Variants in KDM6A observed in about 807,000 individuals in gnomAD.
KDM6A encodes lysine-specific demethylase 6A.
Under a neutral mutation model 117.6 loss-of-function variants are expected in KDM6A, and 11 were observed. The observed-to-expected ratio is 0.09, with a 90% CI of 0.06 to 0.15. KDM6A has a LOEUF of 0.15. Among genes scored for constraint, KDM6A ranks in the 10% least tolerant of loss-of-function variants. The pLI is 1.00. For synonymous variants in KDM6A, 384 were observed against 396.1 expected, an observed-to-expected ratio of 0.97 and a Z score of 0.36; for missense variants, 799 against 1,077.3, an observed-to-expected ratio of 0.74 and a Z score of 3.62.
intron 2 of KDM6A, 104 bp from the exon 3 acceptor site, chrX:44,961,180 G>T: frequency 1.9e-6 from 1 of 526,476 alleles, no homozygotes; most frequent in South Asian, 2.9e-5. Context: ...TTTCAATATT[G>T]ACTTCTTAGG....
intron 2 of KDM6A, among the ~76,000 whole-genome samples, chrX:44,942,610 G>T (rs2037397419): frequency 9.2e-6 from 1 of 108,488 alleles, no homozygotes; most frequent in South Asian, 4.0e-4. Context: ...CTTTCTGCTT[G>T]CTGATACATA....
intron 2 of KDM6A, among the ~76,000 whole-genome samples, chrX:44,903,265 CTG>C (rs2034462810): frequency 8.9e-6 from 1 of 112,038 alleles, no homozygotes; most frequent in African/African-American, 3.2e-5. Context: ...TCTTGGTTGA[CTG>C]TTTTTTCCTT....
chrX:44,885,175 G>A (rs1429293163), intron 2 of KDM6A, among the ~76,000 whole-genome samples: 1 of 108,043 alleles, frequency 9.3e-6, no homozygotes, highest in Non-Finnish European at 1.9e-5. Flanking sequence ...ATAGGCATGT[G>A]CCAGCACGTG....
intron 4 of KDM6A, among the ~76,000 whole-genome samples, chrX:44,989,370 C>T (rs1325120314): frequency 9.3e-6 from 1 of 107,461 alleles, no homozygotes; most frequent in African/African-American, 3.4e-5. Context: ...GATGCCTCGC[C>T]CTGCTTCGGC....
chrX:45,065,235 G>C (rs994870188), intron 17 of KDM6A, among the ~76,000 whole-genome samples: 1 of 111,825 alleles, frequency 8.9e-6, no homozygotes, highest in Non-Finnish European at 1.9e-5. Context: ...TGGACCCTAA[G>C]GTAGGATTGT....
At position 45,102,345 on chromosome X, in the gene KDM6A, A is replaced by T. The variant is rs12008338; in HGVS notation, c.4035-5065A>T. 5.9e-3 allele frequency among the ~76,000 whole-genome samples: 665 copies of T among 111,951 alleles called. 5 individuals are homozygous for T. Among genetic ancestry groups the T allele is most frequent in the African/African-American group, 0.02 (624 of 30,820 alleles). ...ATTTCTTTGCTCCCTTTTCTTTCAC[A>T]TACATTATAGGTTATTACCTTACCT... is the stretch of plus-strand genomic sequence containing the variant. On this transcript the variant is annotated intron_variant, in intron 27 of 29. Coordinates refer to ENST00000611820, the MANE Select transcript of KDM6A (RefSeq NM_001291415.2).
intron 4 of KDM6A, among the ~76,000 whole-genome samples, chrX:45,002,636 A>G (rs1324329900): frequency 1.8e-5 from 2 of 112,180 alleles, no homozygotes; most frequent in Admixed American, 9.5e-5. Flanking sequence ...TGTTTCTTCA[A>G]TAGTTTTACA....
At position 44,917,988 on chromosome X, in the gene KDM6A, C is replaced by T. The variant is rs73488846; in HGVS notation, c.226-43296C>T. Among the ~76,000 whole-genome samples, 693 of 111,654 alleles carry T rather than the reference C, an allele frequency of 6.2e-3. 8 individuals carry two copies. Among genetic ancestry groups the T allele is most frequent in the African/African-American group, 0.021 (661 of 30,793 alleles). On this transcript the variant is annotated intron_variant, in intron 2 of 29. Transcript: ENST00000611820. ...AGATATTAAAGTGTGAAACCTAAAG[C>T]ACAACTGGACATATTCTTGAGTGAA...
At chrX:44,984,698 G>A (rs2040106616) in intron 4 of KDM6A, among the ~76,000 whole-genome samples, 1 of 111,363 alleles carries the variant, frequency 9.0e-6, no homozygotes, top group African/African-American at 3.3e-5. Flanking sequence ...TTTTTCTCAG[G>A]TTTGTCAAAG....
Position 45,061,410 on chromosome X carries a change from G to A in KDM6A, c.1572G>A (p.Gln524=). The A allele has an allele frequency of 1.9e-6, 2 of 1,070,764 alleles. No individual in the cohort carries two copies. The highest frequency in any genetic ancestry group is 2.5e-4 in the Middle Eastern group (1 of 3,934). 88.2% of individuals were successfully genotyped at this position (1,070,764 alleles called of 1,213,427 possible). ...QQAHSWCLTP[Q]KLQHLEQLRA... Reference sequence around the variant, plus strand: ...CTCATTCATGGTGTTTGACACCACAGAAATTACAGGTATGTAAGATGTTTT... The same window carrying A: ...CTCATTCATGGTGTTTGACACCACAAAAATTACAGGTATGTAAGATGTTTT... The change falls in exon 15 of 30, where the codon CAG becomes CAA. Residue 524 remains glutamine (Q), a synonymous_variant. Transcript: ENST00000611820.
intron 2 of KDM6A, among the ~76,000 whole-genome samples, chrX:44,907,847 G>A (rs1249141377): frequency 9.4e-6 from 1 of 106,172 alleles, no homozygotes; most frequent in Non-Finnish European, 1.9e-5. Flanking sequence ...TGGCATTCTG[G>A]GACTTTCACT....
At position 44,873,719 on chromosome X, in the gene KDM6A, G is replaced by T. The variant is rs956828001; in HGVS notation, c.161+7G>T. The T allele has an allele frequency of 8.6e-7, 1 of 1,163,942 alleles. No individual in the cohort carries two copies. The highest frequency in any genetic ancestry group is 1.8e-5 in the African/African-American group (1 of 55,973). ...CGCTCGGCGGACTGGACAGGTACGG[G>T]CCGCCGTCACTCGCCCGGTCGGCTC... On this transcript the variant is annotated splice_region_variant and intron_variant, in intron 1 of 29. Transcript: ENST00000611820.
chrX:44,906,122 T>C (rs148435183), intron 2 of KDM6A, among the ~76,000 whole-genome samples: 644 of 111,549 alleles, frequency 5.8e-3, no homozygotes, highest in Non-Finnish European at 9.8e-3. Flanking sequence ...CATATAACTT[T>C]TAAACCCCAT....
At chrX:44,990,623 C>A (rs911701182) in intron 4 of KDM6A, among the ~76,000 whole-genome samples, 2 of 111,187 alleles carry the variant, frequency 1.8e-5, no homozygotes, top group African/African-American at 6.5e-5. Context: ...AGTTTTGTAA[C>A]TTCCTCACAA....
At chrX:45,063,052 T>A (rs2044371060) in intron 16 of KDM6A, among the ~76,000 whole-genome samples, 1 of 111,506 alleles carries the variant, frequency 9.0e-6, no homozygotes, top group Non-Finnish European at 1.9e-5. Context: ...GTTTACAGGA[T>A]CTGGCATATA....
At chrX:44,951,588 AAG>A (rs201726745) in intron 2 of KDM6A, among the ~76,000 whole-genome samples, 4,376 of 111,238 alleles carry the variant, frequency 0.039, 79 homozygotes, top group Middle Eastern at 0.079. Flanking sequence ...ATTTAAAATA[AAG>A]AGGGGCGAAA....
intron 8 of KDM6A, among the ~76,000 whole-genome samples, chrX:45,051,275 T>A (rs1422870565): frequency 8.9e-6 from 1 of 111,936 alleles, no homozygotes; most frequent in Non-Finnish European, 1.9e-5. Context: ...CCCAAAGAGT[T>A]GGGATTACAG....
chrX:44,937,634 G>A (rs749823520), intron 2 of KDM6A, among the ~76,000 whole-genome samples: 54 of 111,488 alleles, frequency 4.8e-4, no homozygotes, highest in African/African-American at 1.7e-3. Context: ...CCATTCCCTG[G>A]TCTCTCTCCC....
At chrX:44,879,912 C>T (rs1271426534) in intron 2 of KDM6A, among the ~76,000 whole-genome samples, 1 of 111,405 alleles carries the variant, frequency 9.0e-6, no homozygotes, top group East Asian at 2.8e-4. Flanking sequence ...GTGGCTCACA[C>T]CTGTAGTCCC....
Sources: allele counts gnomAD v4.1 joint callset (sites outside exome capture counted in the v4.1 genomes callset), GRCh38; gene constraint gnomAD v4.1.1; transcripts MANE v1.5; gene names NCBI Gene and HGNC (gene_info 2026-07-23, HGNC 2026-07-21).